Variants in SNX4 observed in about 807,000 individuals in gnomAD.
The protein encoded by SNX4 is sorting nexin-4.
In SNX4, 49 loss-of-function variants were observed where a neutral mutation model predicts 70.8. The observed-to-expected ratio is 0.69, with a 90% confidence interval of 0.55 to 0.88. The LOEUF (loss-of-function observed/expected upper bound fraction) is 0.88, where lower values mean the gene tolerates loss of function less well. Ranked by LOEUF, SNX4 falls within the 40% of genes least tolerant of loss-of-function variation. The probability of loss-of-function intolerance (pLI) is 0.00; values close to 1 mark genes in which losing one functional copy is unlikely to be tolerated. For synonymous variants in SNX4, 206 were observed against 183.8 expected (o/e 1.12, Z -0.98); for missense variants, 528 against 544.8 (o/e 0.97, Z 0.31).
At chr3:125,477,903 T>C (rs1421549342) in intron 7 of SNX4, among the ~76,000 whole-genome samples, 2 of 152,004 alleles carry the variant, frequency 1.3e-5, no homozygotes, top group Non-Finnish European at 2.9e-5. Context: ...ACACCTCCCA[T>C]CTGGCCTTCA....
intron 11 of SNX4, among the ~76,000 whole-genome samples, chr3:125,455,504 C>T (rs1433576146): frequency 6.6e-6 from 1 of 152,168 alleles, no homozygotes; most frequent in African/African-American, 2.4e-5. Flanking sequence ...TTTCCTCACT[C>T]TCTGGAGTTT....
chr3:125,498,510 G>C (rs1250897367), intron 2 of SNX4, among the ~76,000 whole-genome samples: 4 of 152,006 alleles, frequency 2.6e-5, no homozygotes, highest in African/African-American at 9.7e-5. Context: ...GTAAAGATGG[G>C]GTCCAGCTAT....
chr3:125,498,405 C>A (rs984749423), intron 2 of SNX4, among the ~76,000 whole-genome samples: 1 of 152,064 alleles, frequency 6.6e-6, no homozygotes, highest in Non-Finnish European at 1.5e-5. Flanking sequence ...CTGCAGCCTT[C>A]GCCTCCTGGG....
At chr3:125,504,858 T>C (rs1199624424) in intron 1 of SNX4, 114 bp from the exon 2 acceptor site, 1 of 1,219,202 alleles carries the variant, frequency 8.2e-7, no homozygotes, top group Non-Finnish European at 1.1e-6. Context: ...TTCAAAATAG[T>C]TACTTATAGT....
intron 1 of SNX4, among the ~76,000 whole-genome samples, chr3:125,515,524 G>C (rs1021801158): frequency 2.0e-5 from 3 of 150,808 alleles, no homozygotes; most frequent in Non-Finnish European, 4.4e-5. Flanking sequence ...AATTAGTCAG[G>C]TATTGTGGTG....
chr3:125,487,592 CT>C (rs971556185), intron 6 of SNX4, among the ~76,000 whole-genome samples: 1 of 152,040 alleles, frequency 6.6e-6, no homozygotes, highest in African/African-American at 2.4e-5. Context: ...TTTTCCAGAG[CT>C]TTTTTTGAGG....
At chr3:125,488,642 G>A (rs1004534515) in intron 6 of SNX4, among the ~76,000 whole-genome samples, 3 of 152,102 alleles carry the variant, frequency 2.0e-5, no homozygotes, top group African/African-American at 7.2e-5. Flanking sequence ...TAGGTCATCA[G>A]AATATGCAGA....
intron 1 of SNX4, among the ~76,000 whole-genome samples, chr3:125,505,084 C>G (rs1935019310): frequency 1.3e-5 from 2 of 152,160 alleles, no homozygotes; most frequent in South Asian, 4.1e-4. Context: ...ATTCTCCTGC[C>G]TCAGTCTTCC....
intron 5 of SNX4, among the ~76,000 whole-genome samples, chr3:125,493,628 T>C (rs949740465): frequency 1.4e-5 from 2 of 140,076 alleles, no homozygotes; most frequent in Non-Finnish European, 3.1e-5. Context: ...CACTCCAGCC[T>C]AAGTGACAGA....
At chr3:125,470,505 A>G (rs1934139607) in intron 8 of SNX4, among the ~76,000 whole-genome samples, 1 of 151,634 alleles carries the variant, frequency 6.6e-6, no homozygotes, top group Non-Finnish European at 1.5e-5. Flanking sequence ...AAAAAAAACA[A>G]AAAACACAAC....
rs372526162 is a variant in SNX4 at position 125,489,791 on chromosome 3, C to A, written c.598-328G>T. Among the ~76,000 whole-genome samples the A allele has an allele frequency of 1.9e-4, 29 of 152,216 alleles. No individual in the cohort carries two copies. In the East Asian group the frequency reaches 5.0e-3, roughly 26 times the overall value. The stretch of plus-strand genomic sequence containing the variant: ...GTGAAAACAGTAGTTTTTCTCTAGG[C>A]CAAGAAAGGCAATGATACGTATATA... On this transcript the variant is annotated intron_variant, in intron 5 of 13. Transcript: ENST00000251775.
At chr3:125,491,609 A>G (rs952874974) in intron 5 of SNX4, among the ~76,000 whole-genome samples, 4 of 152,202 alleles carry the variant, frequency 2.6e-5, no homozygotes, top group African/African-American at 9.7e-5. Flanking sequence ...GCTGACTAAA[A>G]TGTCACCAAA....
intron 12 of SNX4, among the ~76,000 whole-genome samples, chr3:125,453,027 T>C (rs956012398): frequency 3.9e-5 from 6 of 152,242 alleles, no homozygotes; most frequent in African/African-American, 1.2e-4. Context: ...CTTGGTCTAT[T>C]CACTGACTGT....
chr3:125,500,055 C>G (rs1934890554), intron 2 of SNX4, among the ~76,000 whole-genome samples: 1 of 151,234 alleles, frequency 6.6e-6, no homozygotes, highest in Non-Finnish European at 1.5e-5. Flanking sequence ...AGCGAAACTC[C>G]ATCTCAAGAA....
At chr3:125,506,481 C>T (rs1017142183) in intron 1 of SNX4, among the ~76,000 whole-genome samples, 5 of 151,078 alleles carry the variant, frequency 3.3e-5, no homozygotes, top group African/African-American at 9.7e-5. Context: ...GCCAGGATTA[C>T]AGGCTTGTGC....
intron 5 of SNX4, among the ~76,000 whole-genome samples, chr3:125,494,545 T>G (rs141028782): frequency 0.014 from 2,078 of 152,350 alleles, 20 homozygotes; most frequent in Non-Finnish European, 0.023. Context: ...CTGTTTTAGA[T>G]TCTAAAAAAA....
chr3:125,486,899 A>G (rs937097992), intron 6 of SNX4, among the ~76,000 whole-genome samples: 7 of 152,130 alleles, frequency 4.6e-5, no homozygotes, highest in East Asian at 1.9e-4. Context: ...ATATATATAT[A>G]TGTGTGTGTA....
At chr3:125,476,622 T>C (rs1387302473) in intron 8 of SNX4, 73 bp downstream of exon 8, 6 of 902,808 alleles carry the variant, frequency 6.6e-6, no homozygotes. Context: ...CACTCATAAA[T>C]GTTCAAGAAT....
chr3:125,473,484 C>T (rs768690951), intron 8 of SNX4, among the ~76,000 whole-genome samples: 21 of 151,950 alleles, frequency 1.4e-4, no homozygotes, highest in Non-Finnish European at 1.9e-4. Flanking sequence ...AGCACAATCT[C>T]GGCTCACTGC....
Sources: gnomAD v4.1 joint callset for allele counts (sites outside exome capture counted in the v4.1 genomes callset) on GRCh38, gnomAD v4.1.1 for gene constraint, MANE v1.5 for transcripts, NCBI Gene and HGNC (gene_info 2026-07-23, HGNC 2026-07-21) for gene names.